The following ATXN7L1 variants were observed in gnomAD, a reference collection of about 807,000 sequenced individuals.
The protein encoded by ATXN7L1 is ataxin-7-like protein 1.
Under a neutral mutation model 70.8 loss-of-function variants are expected in ATXN7L1, and 15 were observed. That is an observed-to-expected ratio of 0.21 (90% CI 0.14 to 0.33). ATXN7L1 has a LOEUF of 0.33. Among genes scored for constraint, ATXN7L1 ranks in the 10% least tolerant of loss-of-function variants. The pLI, the probability that ATXN7L1 is intolerant of heterozygous loss-of-function variation, is 1.00. For synonymous variants in ATXN7L1, 440 were observed against 445.1 expected, an observed-to-expected ratio of 0.99 and a Z score of 0.14; for missense variants, 975 against 1,097.1, an observed-to-expected ratio of 0.89 and a Z score of 1.57.
At chr7:105,730,090 C>T (rs998448022) in intron 3 of ATXN7L1, among the ~76,000 whole-genome samples, 13 of 152,032 alleles carry the variant, frequency 8.6e-5, no homozygotes, top group Admixed American at 7.2e-4. Flanking sequence ...CCAGAGAGTA[C>T]AGCATGGAAA....
At chr7:105,775,856 G>C (rs1802650312) in intron 3 of ATXN7L1, among the ~76,000 whole-genome samples, 1 of 152,184 alleles carries the variant, frequency 6.6e-6, no homozygotes, top group Non-Finnish European at 1.5e-5. Context: ...ATGTGAAATA[G>C]ATGCATTTTT....
chr7:105,692,419 T>TTCCTTCCTTCCCTCCCTCCCTCCCTCCC (rs1791073296), intron 3 of ATXN7L1, among the ~76,000 whole-genome samples: 4 of 122,762 alleles, frequency 3.3e-5, no homozygotes, highest in African/African-American at 1.3e-4. Context: ...CCTTCCTTCC[T>TTCCTTCCTTCCCTCCCTCCCTCCCTCCC]TCCTTCCTCC....
Position 105,748,988 on chromosome 7 carries a change from C to T in ATXN7L1, c.355+39616G>A, listed in dbSNP as rs573948761. 2.0e-5 allele frequency among the ~76,000 whole-genome samples: 3 copies of T among 152,252 alleles called. No homozygotes were observed. In the East Asian group the frequency reaches 5.8e-4, roughly 29 times the overall value. On this transcript the variant is annotated intron_variant, in intron 3 of 11. Coordinates refer to ENST00000419735, the MANE Select transcript of ATXN7L1 (RefSeq NM_020725.2). ...AGTGAGAGAGACAATGCTTGGGCAC[C>T]ATTCTAAATTATCTGCATGAGGAGA... is the stretch of plus-strand genomic sequence containing the variant.
intron 2 of ATXN7L1, among the ~76,000 whole-genome samples, chr7:105,848,795 C>T (rs958975390): frequency 6.6e-6 from 1 of 152,138 alleles, no homozygotes. Flanking sequence ...ATTGCAGCTC[C>T]GTGCACCCAG....
intron 3 of ATXN7L1, among the ~76,000 whole-genome samples, chr7:105,733,553 TCCACCCATCCATCCTTCCATCCATCCAC>T (rs1796869181): frequency 3.9e-5 from 3 of 76,504 alleles, no homozygotes; most frequent in African/African-American, 5.7e-5. Flanking sequence ...CATCCATCCA[TCCACCCATCCATCCTTCCATCCATCCAC>T]CCATCCATCC....
chr7:105,646,920 G>T (rs970134361), intron 4 of ATXN7L1, among the ~76,000 whole-genome samples: 2 of 151,988 alleles, frequency 1.3e-5, no homozygotes, highest in Admixed American at 1.3e-4. Context: ...CTCCAGCTTG[G>T]GTGACACAGT....
intron 3 of ATXN7L1, among the ~76,000 whole-genome samples, chr7:105,767,286 C>G (rs115121614): frequency 6.6e-6 from 1 of 152,086 alleles, no homozygotes; most frequent in Non-Finnish European, 1.5e-5. Context: ...GGAGGCCCAC[C>G]GGGAGTTTCA....
intron 7 of ATXN7L1, among the ~76,000 whole-genome samples, chr7:105,632,671 C>T (rs1454166899): frequency 6.6e-6 from 1 of 151,910 alleles, no homozygotes; most frequent in East Asian, 1.9e-4. Flanking sequence ...ATCTGTAATC[C>T]CAGCACTTTG....
chr7:105,724,903 T>C (rs1795631683), intron 3 of ATXN7L1, among the ~76,000 whole-genome samples: 1 of 152,062 alleles, frequency 6.6e-6, no homozygotes, highest in African/African-American at 2.4e-5. Flanking sequence ...CATAGCTCAC[T>C]GCAGCCTCAA....
chr7:105,718,146 ACCAC>A (rs67377682), intron 3 of ATXN7L1, among the ~76,000 whole-genome samples: 1,842 of 152,282 alleles, frequency 0.012, 16 homozygotes, highest in Non-Finnish European at 0.019. Context: ...ATAAGAAAAC[ACCAC>A]CCATACAAAT....
At chr7:105,696,096 C>T (rs1791666794) in intron 3 of ATXN7L1, among the ~76,000 whole-genome samples, 1 of 152,164 alleles carries the variant, frequency 6.6e-6, no homozygotes, top group African/African-American at 2.4e-5. Flanking sequence ...CTTCTTTCTC[C>T]CTGAAAGTAC....
At chr7:105,722,857 C>T (rs1031787603) in intron 3 of ATXN7L1, among the ~76,000 whole-genome samples, 1 of 151,940 alleles carries the variant, frequency 6.6e-6, no homozygotes, top group Non-Finnish European at 1.5e-5. Flanking sequence ...TGCATTCCAG[C>T]CTGGGCGACA....
chr7:105,620,329 G>GA lies in ATXN7L1; in HGVS notation c.1396-9dup, dbSNP rs554942868. On this transcript the variant is annotated splice_polypyrimidine_tract_variant and intron_variant, in intron 8 of 11. Coordinates refer to ENST00000419735, the MANE Select transcript of ATXN7L1 (RefSeq NM_020725.2). ...ACTCCCAAATGAGCAAAACTGTGAG[G>GA]AAAAAAAAATTTTAATTTTGATTAC... The GA allele has an allele frequency of 5.7e-4, 866 of 1,522,994 alleles. 3 individuals carry two copies. The highest frequency in any genetic ancestry group is 5.2e-3 in the South Asian group (413 of 79,118). The allele number at this position is 1,522,994 out of a possible 1,614,324, so 94.3% of individuals were successfully genotyped here. A position where few individuals can be genotyped will look rare whatever the true frequency, so the allele number is the denominator to read the frequency against.
intron 3 of ATXN7L1, among the ~76,000 whole-genome samples, chr7:105,706,225 G>A (rs1478821408): frequency 2.7e-5 from 4 of 150,036 alleles, no homozygotes; most frequent in Admixed American, 2.0e-4. Flanking sequence ...ATGGAGTATC[G>A]CCCTGTCGCC....
intron 9 of ATXN7L1, among the ~76,000 whole-genome samples, chr7:105,619,313 A>T (rs1794454792): frequency 6.8e-6 from 1 of 146,642 alleles, no homozygotes; most frequent in Non-Finnish European, 1.5e-5. Context: ...ACACCCAGCT[A>T]ATTTTTGTAT....
intron 3 of ATXN7L1, among the ~76,000 whole-genome samples, chr7:105,675,026 CAGGAACTAAAA>C (rs764496450): frequency 2.0e-5 from 3 of 151,994 alleles, no homozygotes; most frequent in Non-Finnish European, 2.9e-5. Flanking sequence ...GTGATAATAA[CAGGAACTAAAA>C]AGCATCCATA....
intron 3 of ATXN7L1, among the ~76,000 whole-genome samples, chr7:105,765,219 A>G (rs187780206): frequency 6.6e-6 from 1 of 151,934 alleles, no homozygotes; most frequent in Admixed American, 6.6e-5. Context: ...CTGTAATCCC[A>G]GCTACTCAGG....
At chr7:105,809,327 T>C (rs532540432) in intron 2 of ATXN7L1, among the ~76,000 whole-genome samples, 7 of 152,360 alleles carry the variant, frequency 4.6e-5, no homozygotes, top group African/African-American at 1.4e-4. Flanking sequence ...TAGTACAGTA[T>C]TGTTAACCAT....
intron 2 of ATXN7L1, among the ~76,000 whole-genome samples, chr7:105,793,148 C>T (rs1485000787): frequency 6.6e-6 from 1 of 152,172 alleles, no homozygotes; most frequent in Non-Finnish European, 1.5e-5. Flanking sequence ...ATAAGAAAAC[C>T]AGTTTGGAAG....
Sources: allele counts gnomAD v4.1 joint callset (sites outside exome capture counted in the v4.1 genomes callset), GRCh38; gene constraint gnomAD v4.1.1; transcripts MANE v1.5; gene names NCBI Gene and HGNC (gene_info 2026-07-23, HGNC 2026-07-21).